Variants in MED23 observed in about 807,000 individuals in gnomAD.
MED23 encodes mediator complex subunit 23, also known as mediator of RNA polymerase II transcription subunit 23.
Under a neutral mutation model 163.9 loss-of-function variants are expected in MED23, and 105 were observed. That is an observed-to-expected ratio of 0.64 (90% CI 0.55 to 0.75). MED23 has a LOEUF of 0.75. Among genes scored for constraint, MED23 ranks in the 30% least tolerant of loss-of-function variants. The pLI is 0.00. For synonymous variants in MED23, 561 were observed against 565.6 expected (o/e 0.99, Z 0.12); for missense variants, 1,054 against 1,649.0 (o/e 0.64, Z 6.25).
At chr6:131,586,278 T>C (rs1007663901), downstream of MED23, among the ~76,000 whole-genome samples, 3 of 151,844 alleles carry the variant, frequency 2.0e-5, no homozygotes, top group African/African-American at 7.3e-5. Flanking sequence ...CAGGCGCCTG[T>C]AGTCCCAGCT....
intron 25 of MED23, 78 bp downstream of exon 25, chr6:131,592,310 T>C (rs1774703321): frequency 2.4e-6 from 3 of 1,233,670 alleles, no homozygotes; most frequent in Non-Finnish European, 3.6e-6. Flanking sequence ...GCATCCTATA[T>C]GCATCTTTTT....
At chr6:131,611,730 T>G (rs189937258) in intron 10 of MED23, among the ~76,000 whole-genome samples, 29 of 152,224 alleles carry the variant, frequency 1.9e-4, no homozygotes, top group African/African-American at 6.7e-4. Flanking sequence ...AGCCAGGATT[T>G]CCAGTAGGAA....
In MED23 at chr6:131,587,622, T is replaced by A; in HGVS notation, c.*57A>T. 6.2e-7 allele frequency: 1 copy of A among 1,612,396 alleles called. No homozygotes were observed. The highest frequency in any genetic ancestry group is 8.5e-7 in the Non-Finnish European group (1 of 1,179,258). On this transcript the variant is annotated 3_prime_UTR_variant, in exon 29 of 29. Coordinates refer to ENST00000368068, the MANE Select transcript of MED23 (RefSeq NM_004830.4). ...GTGATCGCATTCAGATTTAAAAGGT[T>A]TGAGTCCACTCTCAAAGACGGATAT...
At chr6:131,604,533 T>C (rs113001785) in intron 14 of MED23, among the ~76,000 whole-genome samples, 149 of 152,266 alleles carry the variant, frequency 9.8e-4, no homozygotes, top group Middle Eastern at 6.8e-3. Context: ...TCAATATGCA[T>C]ACGGATCCCC....
At chr6:131,599,576 A>AT (rs901304384) in intron 18 of MED23, among the ~76,000 whole-genome samples, 5 of 151,764 alleles carry the variant, frequency 3.3e-5, no homozygotes, top group African/African-American at 1.2e-4. Flanking sequence ...ACCATTAACT[A>AT]TTTTTTTCTC....
chr6:131,598,792 G>C lies in MED23; in HGVS notation c.2221-31C>G, dbSNP rs1373185859. ...AAGAGGATTAGAAGTTTATTTCATT[G>C]GTTATAGTAGAAAGAGCACTGGATA... On this transcript the variant is annotated intron_variant, in intron 18 of 28. Coordinates refer to ENST00000368068, the MANE Select transcript of MED23 (RefSeq NM_004830.4). The surrounding 1 kb of genome is among the most constrained non-coding windows in gnomAD (Gnocchi z 4.7). The C allele has an allele frequency of 1.3e-6, 2 of 1,592,346 alleles. No homozygotes were observed. The highest frequency in any genetic ancestry group is 3.3e-5 in the Admixed American group (2 of 59,978).
At chr6:131,621,182 T>A (rs1401506113) in intron 6 of MED23, among the ~76,000 whole-genome samples, 1 of 152,190 alleles carries the variant, frequency 6.6e-6, no homozygotes, top group Non-Finnish European at 1.5e-5. Flanking sequence ...TCTGGAGAGA[T>A]GTTGGTCAAA....
chr6:131,576,253 C>T (rs1773607188), intron 30 of MED23, among the ~76,000 whole-genome samples: 3 of 152,208 alleles, frequency 2.0e-5, no homozygotes, highest in Admixed American at 2.0e-4. Context: ...CTCCTATCAG[C>T]TTATGAGGGA....
At chr6:131,601,070 A>G (rs1246907146) in intron 17 of MED23, among the ~76,000 whole-genome samples, 2 of 152,160 alleles carry the variant, frequency 1.3e-5, no homozygotes, top group African/African-American at 4.8e-5. Context: ...TTTTACTTGA[A>G]AGAACGTCTG....
At chr6:131,577,988 G>A (rs1294843754) in intron 30 of MED23, among the ~76,000 whole-genome samples, 3 of 150,114 alleles carry the variant, frequency 2.0e-5, no homozygotes, top group Middle Eastern at 3.8e-3. Flanking sequence ...GATAAGACAA[G>A]AAAGACTACA....
intron 15 of MED23, among the ~76,000 whole-genome samples, chr6:131,603,826 G>A (rs1290056101): frequency 6.6e-6 from 1 of 152,176 alleles, no homozygotes; most frequent in East Asian, 1.9e-4. Flanking sequence ...GACTTCGTAT[G>A]CACTGGAGGA....
At position 131,618,527 on chromosome 6, in the gene MED23, T is replaced by A. The variant is rs1776856697; in HGVS notation, c.668-8A>T. ...GCAGAAGACTACAGCGACCTGTATGTATTACAAAAATGTTTTTAAGTAAAT... is the reference window on the plus strand; with the variant it reads ...GCAGAAGACTACAGCGACCTGTATGAATTACAAAAATGTTTTTAAGTAAAT... On this transcript the variant is annotated splice_polypyrimidine_tract_variant and splice_region_variant and intron_variant, in intron 8 of 28. Coordinates refer to ENST00000368068, the MANE Select transcript of MED23 (RefSeq NM_004830.4). 1 of 1,593,104 alleles carries A rather than the reference T, an allele frequency of 6.3e-7. No individual in the cohort carries two copies. Among genetic ancestry groups the A allele is most frequent in the African/African-American group, 1.3e-5 (1 of 74,532 alleles).
Position 131,616,011 on chromosome 6 carries a change from A to T in MED23, c.781-9T>A. ...TGTGGTTCAAACAGATCCTTTAAAG[A>T]AAATAAGAAAATCATTGCTTCAAGA... On this transcript the variant is annotated splice_polypyrimidine_tract_variant and intron_variant, in intron 9 of 28. Transcript: ENST00000368068. The T allele has an allele frequency of 1.3e-6, 2 of 1,590,602 alleles. No homozygotes were observed. Among genetic ancestry groups the T allele is most frequent in the Non-Finnish European group, 1.7e-6 (2 of 1,159,170 alleles).
chr6:131,600,008 C>T, intron 18 of MED23, 30 bp downstream of exon 18: 1 of 1,612,832 alleles, frequency 6.2e-7, no homozygotes, highest in Admixed American at 1.7e-5. Context: ...ATTTCATGTG[C>T]ATTCAATAAG....
At chr6:131,578,580 A>G (rs1773746474) in intron 30 of MED23, among the ~76,000 whole-genome samples, 1 of 152,108 alleles carries the variant, frequency 6.6e-6, no homozygotes, top group African/African-American at 2.4e-5. Flanking sequence ...ATTCTTATTT[A>G]TTTATGATAA....
At chr6:131,593,952 A>G (rs1774847430) in intron 23 of MED23, 147 bp downstream of exon 23, 2 of 657,578 alleles carry the variant, frequency 3.0e-6, no homozygotes, top group South Asian at 2.2e-5. Flanking sequence ...TAAGATTTCA[A>G]ATCTTTACAG....
In MED23 at chr6:131,628,116, T is replaced by C. The variant is rs1777655735; in HGVS notation, c.-67A>G. 6.3e-7 allele frequency: 1 copy of C among 1,582,536 alleles called. No individual in the cohort carries two copies. Among genetic ancestry groups the C allele is most frequent in the East Asian group, 2.2e-5 (1 of 44,742 alleles). ...CCGGATCAGACTCGAGCTCTGGGAA[T>C]ATAGGGGCAGAGGGGCGGAGACCTC... On this transcript the variant is annotated 5_prime_UTR_variant, in exon 1 of 29. It adds an upstream start codon to the 5' untranslated region. Transcript: ENST00000368068.
chr6:131,605,215 A>G, intron 14 of MED23, 25 bp downstream of exon 14: 1 of 1,611,900 alleles, frequency 6.2e-7, no homozygotes, highest in Non-Finnish European at 8.5e-7. Context: ...CCTGACATGG[A>G]ACCAAATTAA....
intron 23 of MED23, 67 bp from the exon 24 acceptor site, chr6:131,593,238 C>A (rs980981219): frequency 6.3e-7 from 1 of 1,589,088 alleles, no homozygotes; most frequent in Non-Finnish European, 8.6e-7. Flanking sequence ...TGATTATGAG[C>A]TGCCAAGAAG....
Sources: gnomAD v4.1 joint callset for allele counts (sites outside exome capture counted in the v4.1 genomes callset) on GRCh38, gnomAD v4.1.1 for gene constraint, Gnocchi (gnomAD v3.1) non-coding constraint, MANE v1.5 for transcripts, NCBI Gene and HGNC (gene_info 2026-07-23, HGNC 2026-07-21) for gene names.